IPO8: variants seen among roughly 807,000 people sequenced by gnomAD.
IPO8 encodes importin-8.
A neutral mutation model predicts 141.2 loss-of-function variants in IPO8; 65 were observed. That is an observed-to-expected ratio of 0.46 (90% CI 0.38 to 0.57). The LOEUF (loss-of-function observed/expected upper bound fraction) is 0.57. Among genes scored for constraint, IPO8 ranks in the 20% least tolerant of loss-of-function variants. IPO8 has a pLI of 0.00. For missense variants in IPO8, 980 were observed against 1,246.8 expected (o/e 0.79, Z 3.22); for synonymous variants, 411 against 420.3 (o/e 0.98, Z 0.27).
At chr12:30,693,154 C>T (rs1480946536) in intron 1 of IPO8, among the ~76,000 whole-genome samples, 1 of 152,172 alleles carries the variant, frequency 6.6e-6, no homozygotes, top group Non-Finnish European at 1.5e-5. Flanking sequence ...AAAGAGGACA[C>T]CTTTCTGGAT....
At chr12:30,648,221 C>T (rs2052675207) in intron 20 of IPO8, among the ~76,000 whole-genome samples, 3 of 152,166 alleles carry the variant, frequency 2.0e-5, no homozygotes, top group Admixed American at 6.5e-5. Context: ...TTTAACTATA[C>T]AATGAAATAT....
chr12:30,672,674 G>A (rs1316360087), intron 8 of IPO8, among the ~76,000 whole-genome samples: 2 of 152,132 alleles, frequency 1.3e-5, no homozygotes, highest in Admixed American at 1.3e-4. Flanking sequence ...ACTTTAAGGA[G>A]TTTAACATTA....
At position 30,663,592 on chromosome 12, in the gene IPO8, A is replaced by T. The variant is rs537373907; in HGVS notation, c.1491T>A (p.Asn497Lys). ...LKFHNELNLRNAVELAKKSLI... is the reference protein window; with the variant it reads ...LKFHNELNLRKAVELAKKSLI... The stretch of plus-strand genomic sequence containing the variant: ...GGCTCTTCTTCGCTAATTCAACGGC[A>T]TTTCTTAGATTGAGCTCATTATGGA... The change falls in exon 14 of 25, where the codon AAT (asparagine) becomes AAA (lysine). Residue 497 changes from asparagine to lysine, a missense_variant. Physicochemically the swap from Asn to Lys is moderately conservative, Grantham distance 94 (BLOSUM62 0). Around this residue, in one of 3 missense-constraint regions of IPO8, gnomAD observed 924 missense variants for 1,153.9 expected, o/e 0.80. Coordinates refer to ENST00000256079, the MANE Select transcript of IPO8 (RefSeq NM_006390.4). 1.5e-5 allele frequency: 25 copies of T among 1,613,474 alleles called. No homozygotes were observed. The African/African-American group carries it at 3.2e-4, about 21-fold the overall frequency.
At chr12:30,637,781 A>G (rs940747898) in intron 21 of IPO8, among the ~76,000 whole-genome samples, 5 of 152,196 alleles carry the variant, frequency 3.3e-5, no homozygotes, top group Non-Finnish European at 5.9e-5. Context: ...AACATTAGAC[A>G]TTTTTCTACT....
chr12:30,649,232 C>A lies in IPO8; in HGVS notation c.2173G>T (p.Val725Leu). 1 of 1,609,190 alleles carries A rather than the reference C, an allele frequency of 6.2e-7. No individual in the cohort carries two copies. Among genetic ancestry groups the A allele is most frequent in the African/African-American group, 1.3e-5 (1 of 74,890 alleles). ...TCTTCTCCTGCATCTCCACATAGTA[C>A]CTGCAGTAATTACAATTTAGCTCAG... ...LEILFTMCRK[V>L]LCGDAGEDAE... Residue 725 changes from valine (V) to leucine (L), a missense_variant and splice_region_variant, in exon 20 of 25, where the codon GTA (valine) becomes TTA (leucine). Around this residue, in one of 3 missense-constraint regions of IPO8, gnomAD observed 924 missense variants for 1,153.9 expected, o/e 0.80. Transcript: ENST00000256079.
At chr12:30,691,823 A>G (rs1389456746) in intron 1 of IPO8, among the ~76,000 whole-genome samples, 2 of 152,250 alleles carry the variant, frequency 1.3e-5, no homozygotes, top group African/African-American at 4.8e-5. Context: ...TTTTAAAAAT[A>G]TTAATCTTTT....
intron 16 of IPO8, among the ~76,000 whole-genome samples, chr12:30,660,392 G>GT (rs2136147855): frequency 6.6e-6 from 1 of 152,320 alleles, no homozygotes; most frequent in South Asian, 2.1e-4. Context: ...GGAAGCAGCT[G>GT]TAGGTTTTAA....
At chr12:30,649,887 T>C (rs1382005610) in intron 19 of IPO8, among the ~76,000 whole-genome samples, 4 of 152,076 alleles carry the variant, frequency 2.6e-5, no homozygotes, top group Non-Finnish European at 5.9e-5. Context: ...AGCATGCTTA[T>C]ATTAAAAATT....
At chr12:30,638,031 G>C (rs901918493) in intron 21 of IPO8, among the ~76,000 whole-genome samples, 1 of 152,124 alleles carries the variant, frequency 6.6e-6, no homozygotes, top group Non-Finnish European at 1.5e-5. Context: ...TAACAGAACT[G>C]TACTTGACCT....
chr12:30,681,054 T>C (rs1015363980), intron 4 of IPO8, among the ~76,000 whole-genome samples: 8 of 152,186 alleles, frequency 5.3e-5, no homozygotes, highest in Admixed American at 4.6e-4. Flanking sequence ...GTTAAAATAG[T>C]TTAAAATTTA....
chr12:30,695,582 G>C lies in IPO8; in HGVS notation c.66C>G (p.Ala22=). The C allele has an allele frequency of 2.5e-6, 4 of 1,614,048 alleles. No homozygotes were observed. In the South Asian group the frequency reaches 3.3e-5, roughly 13 times the overall value. The change falls in exon 1 of 25, where the codon GCC becomes GCG. Residue 22 remains alanine (A), a synonymous_variant. Coordinates refer to ENST00000256079, the MANE Select transcript of IPO8 (RefSeq NM_006390.4). The surrounding 1 kb of genome is among the most constrained non-coding windows in gnomAD (Gnocchi z 4.2). ...TCCTCACCTGGTTGAGCTCGTTCTC[G>C]GCTGCAATCCGCAACTTCGGGTCGA... ...GTIDPKLRIA[A]ENELNQSYKI...
At chr12:30,689,007 T>C (rs2053267579) in intron 2 of IPO8, among the ~76,000 whole-genome samples, 1 of 152,110 alleles carries the variant, frequency 6.6e-6, no homozygotes, top group Non-Finnish European at 1.5e-5. Context: ...GTAATTCTTA[T>C]ATAAAGAAAT....
At chr12:30,664,177 C>T (rs2052928984) in intron 13 of IPO8, among the ~76,000 whole-genome samples, 3 of 152,126 alleles carry the variant, frequency 2.0e-5, no homozygotes, top group Non-Finnish European at 4.4e-5. Context: ...ACACAATCAA[C>T]AGAAATTAAT....
At chr12:30,678,261 A>T (rs1475199550) in intron 5 of IPO8, among the ~76,000 whole-genome samples, 1 of 152,230 alleles carries the variant, frequency 6.6e-6, no homozygotes, top group Non-Finnish European at 1.5e-5. Flanking sequence ...AGCATAGACT[A>T]ACGTCCTAGG....
chr12:30,680,861 T>A (rs1050653344), intron 4 of IPO8, among the ~76,000 whole-genome samples: 1 of 152,202 alleles, frequency 6.6e-6, no homozygotes, highest in African/African-American at 2.4e-5. Flanking sequence ...AGATTTAGAC[T>A]AGTTTAAAAC....
In IPO8 at chr12:30,630,558, A is replaced by G. The variant is rs998018532; in HGVS notation, c.*302T>C. ...GCATGGCAAAAACCTGAGACGTGCA[A>G]GTCTATCCAATCCTCTAAAACAACC... On this transcript the variant is annotated 3_prime_UTR_variant, in exon 25 of 25. Transcript: ENST00000256079. The G allele has an allele frequency of 4.6e-5, 15 of 325,842 alleles. No individual in the cohort carries two copies. The highest frequency in any genetic ancestry group is 7.2e-5 in the Non-Finnish European group (13 of 180,956). The allele number at this position is 325,842 out of a possible 1,614,324, so 20.2% of individuals were successfully genotyped here. A position where few individuals can be genotyped will look rare whatever the true frequency, so the allele number is the denominator to read the frequency against.
At chr12:30,677,219 C>T (rs2053134165) in intron 5 of IPO8, 1 of 537,488 alleles carries the variant, frequency 1.9e-6, no homozygotes, top group Non-Finnish European at 3.4e-6. Flanking sequence ...ATGTTTCGGT[C>T]AGTGACAGAC....
rs746641561 is a variant in IPO8 at position 30,665,787 on chromosome 12, G to T, written c.1280C>A (p.Pro427His). 1 of 1,613,574 alleles carries T rather than the reference G, an allele frequency of 6.2e-7. No homozygotes were observed. The highest frequency in any genetic ancestry group is 8.5e-7 in the Non-Finnish European group (1 of 1,179,814). Residue 427 changes from proline to histidine, a missense_variant, in exon 12 of 25, where the codon CCT becomes CAT. Transcript: ENST00000256079. ...YQILTDPNFD[P>H]RKKDGALHVI... ...ATGCAGGGCTCCATCTTTCTTCCTA[G>T]GGTCAAAGTTCGGGTCTGTCAGGAT...
rs1591841161 is a variant in IPO8, at chr12:30,676,516, G to A, written c.711C>T (p.Ile237=). ...TTCTTACAGGAGGAACGGTCCTGTC[G>A]ATAATAGTTCGGAAGATCTCCATCC... ...TTWMEIFRTI[I]DRTVPPETLH... The change falls in exon 6 of 25, where the codon ATC becomes ATT. Residue 237 remains isoleucine (I), a synonymous_variant. Coordinates refer to ENST00000256079, the MANE Select transcript of IPO8 (RefSeq NM_006390.4). 2.5e-6 allele frequency: 4 copies of A among 1,612,846 alleles called. No homozygotes were observed. The highest frequency in any genetic ancestry group is 1.1e-5 in the South Asian group (1 of 91,026).
Sources: allele counts gnomAD v4.1 joint callset (sites outside exome capture counted in the v4.1 genomes callset), GRCh38; gene constraint gnomAD v4.1.1; regional missense constraint gnomAD v4.1.1; non-coding constraint Gnocchi (gnomAD v3.1); transcripts MANE v1.5; gene names NCBI Gene and HGNC (gene_info 2026-07-23, HGNC 2026-07-21).